The following UBN2 variants were observed in gnomAD, a reference collection of about 807,000 sequenced individuals.
UBN2 encodes the protein ubinuclein 2.
UBN2 carries 35 observed loss-of-function variants against 120.2 expected under a neutral mutation model. The observed-to-expected ratio is 0.29, with a 90% CI of 0.22 to 0.39. The LOEUF (loss-of-function observed/expected upper bound fraction) is 0.39. UBN2 is among the 10% of genes least tolerant of loss of function. UBN2 has a pLI of 1.00. For missense variants in UBN2, 1,693 were observed against 1,663.2 expected (o/e 1.02, Z -0.31); for synonymous variants, 661 against 648.7 (o/e 1.02, Z -0.29).
chr7:139,238,443 T>C (rs956963801), intron 2 of UBN2, among the ~76,000 whole-genome samples: 1 of 149,734 alleles, frequency 6.7e-6, no homozygotes, highest in African/African-American at 2.5e-5. Flanking sequence ...TCTCTTTTTT[T>C]CTAAGACAGA....
rs1413786867 is a variant in UBN2 at position 139,259,221 on chromosome 7, A to G, written c.802-46A>G. Reference sequence around the variant, plus strand: ...GCTGGATTGCTAACATCAAAGAGTAAAGCATTGTTACTTACATAAATGATC... The same window carrying G: ...GCTGGATTGCTAACATCAAAGAGTAGAGCATTGTTACTTACATAAATGATC... On this transcript the variant is annotated intron_variant, in intron 4 of 17. Coordinates refer to ENST00000473989, the MANE Select transcript of UBN2 (RefSeq NM_173569.4). The G allele has an allele frequency of 3.7e-5, 59 of 1,600,270 alleles. 1 individual carries two copies. Among genetic ancestry groups the G allele is most frequent in the Non-Finnish European group, 5.0e-5 (59 of 1,175,184 alleles).
chr7:139,296,562 T>TG (rs2131073098), intron 17 of UBN2, among the ~76,000 whole-genome samples: 1 of 152,342 alleles, frequency 6.6e-6, no homozygotes, highest in East Asian at 1.9e-4. Context: ...CATGACCTGT[T>TG]GGAGACTTTC....
Position 139,261,646 on chromosome 7 carries a change from C to T in UBN2, c.1300C>T (p.Pro434Ser). ...SGGENGTTTQ[P>S]TYTSQVMPKV... Reference sequence around the variant, plus strand: ...GGGTGAAAATGGAACCACCACCCAGCCAACCTACACTTCTCAGGTTATGCC... The same window carrying T: ...GGGTGAAAATGGAACCACCACCCAGTCAACCTACACTTCTCAGGTTATGCC... Residue 434 changes from proline (P) to serine (S), a missense_variant, in exon 6 of 18, where the codon CCA becomes TCA. Physicochemically the swap from Pro to Ser is moderately conservative, Grantham distance 74. This residue lies in a region of UBN2 where 663 missense variants were observed against 591.2 expected (regional missense o/e 1.12). Transcript: ENST00000473989. 1 of 1,614,156 alleles carries T rather than the reference C, an allele frequency of 6.2e-7. No homozygotes were observed. The highest frequency in any genetic ancestry group is 8.5e-7 in the Non-Finnish European group (1 of 1,180,028).
rs1797681822 is a variant in UBN2, at chr7:139,283,620, T to C, written c.2715T>C (p.Ile905=). Residue 905 remains isoleucine, a synonymous_variant, in exon 15 of 18, where the codon ATT becomes ATC. Coordinates refer to ENST00000473989, the MANE Select transcript of UBN2 (RefSeq NM_173569.4). ...TCTCCTCTTCTTCCCAAGCCCAAAT[T>C]GCTGCCTCTTCTCATGCTCTGGGAA... is the stretch of plus-strand genomic sequence containing the variant. ...THVSSSSQAQ[I]AASSHALGTS... is the part of the protein sequence containing the mutation. 6.2e-7 allele frequency: 1 copy of C among 1,614,166 alleles called. No homozygotes were observed. The highest frequency in any genetic ancestry group is 1.1e-5 in the South Asian group (1 of 91,084).
chr7:139,271,697 T>A (rs1797280085), intron 8 of UBN2, among the ~76,000 whole-genome samples: 1 of 152,234 alleles, frequency 6.6e-6, no homozygotes, highest in Non-Finnish European at 1.5e-5. Context: ...AAGATGCTTG[T>A]AAGATGAAAG....
At chr7:139,278,965 T>C (rs543278395) in intron 12 of UBN2, among the ~76,000 whole-genome samples, 17 of 152,218 alleles carry the variant, frequency 1.1e-4, no homozygotes, top group Non-Finnish European at 1.6e-4. Flanking sequence ...TTTTTTTTGT[T>C]TTGGTTAAGT....
At chr7:139,248,421 T>A (rs1410666780) in intron 2 of UBN2, among the ~76,000 whole-genome samples, 1 of 152,136 alleles carries the variant, frequency 6.6e-6, no homozygotes, top group Non-Finnish European at 1.5e-5. Flanking sequence ...TTCTCCATCT[T>A]TTCAGAATTT....
chr7:139,261,930 T>C (rs908036597), intron 6 of UBN2, among the ~76,000 whole-genome samples, 189 bp downstream of exon 6: 5 of 151,002 alleles, frequency 3.3e-5, no homozygotes, highest in African/African-American at 9.7e-5. Context: ...TAGACCTTTC[T>C]TTTTTCTTTC....
At chr7:139,293,572 G>GTT (rs201538099) in intron 16 of UBN2, 109 bp downstream of exon 16, 14,548 of 670,148 alleles carry the variant, frequency 0.022, no homozygotes, top group Middle Eastern at 0.029. Context: ...GAAGATTATA[G>GTT]TTTTTTTTTT....
At chr7:139,271,681 A>ACTTGTAAGATG in intron 8 of UBN2, among the ~76,000 whole-genome samples, 1 of 152,286 alleles carries the variant, frequency 6.6e-6, no homozygotes, top group Admixed American at 6.5e-5. Context: ...TTACATATAT[A>ACTTGTAAGATG]CTTGTAAGAT....
chr7:139,327,603 G>T, the UBN2 span, among the ~76,000 whole-genome samples: 1 of 152,120 alleles, frequency 6.6e-6, no homozygotes. Context: ...CAATATTAAT[G>T]CACTCTGCCC....
At chr7:139,319,609 A>G in the UBN2 span, among the ~76,000 whole-genome samples, 1 of 152,128 alleles carries the variant, frequency 6.6e-6, no homozygotes, top group Admixed American at 6.6e-5. Flanking sequence ...CAAAAATGAT[A>G]AAAATTCCAG....
intron 3 of UBN2, among the ~76,000 whole-genome samples, chr7:139,255,920 A>T (rs1028758018): frequency 1.3e-5 from 2 of 152,176 alleles, no homozygotes; most frequent in East Asian, 3.8e-4. Flanking sequence ...TTTTATTTAG[A>T]TAGTCTCTTT....
chr7:139,292,421 A>C (rs1468538735), intron 15 of UBN2, among the ~76,000 whole-genome samples: 1 of 152,242 alleles, frequency 6.6e-6, no homozygotes, highest in Non-Finnish European at 1.5e-5. Flanking sequence ...ACATGGCATC[A>C]AAGCCCAGGT....
rs1000352385 is a variant in UBN2 at position 139,306,372 on chromosome 7, A to T, written c.*8536A>T. On this transcript the variant is annotated 3_prime_UTR_variant, in exon 18 of 18. Transcript: ENST00000473989. The stretch of plus-strand genomic sequence containing the variant: ...TTGGGTTTTCTTTACTATACCTGCA[A>T]AATTACCAAGGGTTACCCCAATATT... 6.6e-6 allele frequency: 1 copy of T among 152,196 alleles called. No homozygotes were observed. Among genetic ancestry groups the T allele is most frequent in the East Asian group, 1.9e-4 (1 of 5,194 alleles). The allele number at this position is 152,196 out of a possible 1,614,324, so 9.4% of individuals were successfully genotyped here.
intron 5 of UBN2, 98 bp from the exon 6 acceptor site, chr7:139,261,154 C>T (rs1473189926): frequency 7.3e-7 from 1 of 1,371,318 alleles, no homozygotes; most frequent in African/African-American, 1.4e-5. Context: ...GCTCTGTCAC[C>T]TGTCAAATTA....
chr7:139,249,065 C>A (rs186553155), intron 2 of UBN2, among the ~76,000 whole-genome samples: 135 of 151,370 alleles, frequency 8.9e-4, no homozygotes, highest in Non-Finnish European at 1.7e-3. Flanking sequence ...TTAAGGTTGC[C>A]AACTGGCATT....
At chr7:139,251,267 A>G (rs1183841081) in intron 2 of UBN2, among the ~76,000 whole-genome samples, 1 of 152,126 alleles carries the variant, frequency 6.6e-6, no homozygotes, top group Admixed American at 6.5e-5. Flanking sequence ...TACAGCCTTC[A>G]CCCACTGTCC....
Position 139,300,650 on chromosome 7 carries a change from GCA to G in UBN2, c.*2819_*2820del, listed in dbSNP as rs1246499879. The stretch of plus-strand genomic sequence containing the variant: ...CAACATCCAAATGCAAAAATAATCA[GCA>G]CACATGATTATATCCCACTCCTTGG... On this transcript the variant is annotated 3_prime_UTR_variant, in exon 18 of 18. Coordinates refer to ENST00000473989, the MANE Select transcript of UBN2 (RefSeq NM_173569.4). 4 of 152,190 alleles carry G rather than the reference GCA, an allele frequency of 2.6e-5. No homozygotes were observed. The highest frequency in any genetic ancestry group is 5.9e-5 in the Non-Finnish European group (4 of 68,026). 9.4% of individuals were successfully genotyped at this position (152,190 alleles called of 1,614,324 possible).
Sources: gnomAD v4.1 joint callset for allele counts (sites outside exome capture counted in the v4.1 genomes callset) on GRCh38, gnomAD v4.1.1 for gene constraint, gnomAD v4.1.1 regional missense constraint, MANE v1.5 for transcripts, NCBI Gene and HGNC (gene_info 2026-07-23, HGNC 2026-07-21) for gene names.